PCDHA2: variants seen among roughly 807,000 people sequenced by gnomAD.
PCDHA2 encodes protocadherin alpha-2.
In PCDHA2, 58 loss-of-function variants were observed where a neutral mutation model predicts 66.0. The ratio of observed to expected loss-of-function variants is 0.88; its 90% confidence interval spans 0.71 to 1.09. The LOEUF is 1.09. Ranked by LOEUF, PCDHA2 falls within the 50% of genes least tolerant of loss-of-function variation. The pLI is 0.00. For synonymous variants in PCDHA2, 634 were observed against 554.0 expected, an observed-to-expected ratio of 1.14 and a Z score of -2.03; for missense variants, 1,267 against 1,242.3, an observed-to-expected ratio of 1.02 and a Z score of -0.30.
At chr5:140,848,525 G>A (rs1243766523) in intron 1 of PCDHA2, 1 of 1,594,042 alleles carries the variant, frequency 6.3e-7, no homozygotes, top group Non-Finnish European at 8.6e-7. Context: ...GAGATCCAGA[G>A]GGTCAGCCTC....
At chr5:140,954,275 T>C (rs1447578594) in intron 1 of PCDHA2, among the ~76,000 whole-genome samples, 1 of 152,218 alleles carries the variant, frequency 6.6e-6, no homozygotes, top group Non-Finnish European at 1.5e-5. Context: ...AATAGGATGA[T>C]TTATATTCCT....
intron 1 of PCDHA2, chr5:140,871,350 C>T (rs782168219): frequency 5.6e-6 from 9 of 1,614,194 alleles, no homozygotes; most frequent in Non-Finnish European, 7.6e-6. Flanking sequence ...GCTGGTCATA[C>T]TCGCAGCAGA....
intron 1 of PCDHA2, among the ~76,000 whole-genome samples, chr5:140,895,298 C>A (rs1208960325): frequency 6.6e-6 from 1 of 151,928 alleles, no homozygotes; most frequent in Non-Finnish European, 1.5e-5. Context: ...CCTTCGATTT[C>A]CCCCCTTCCA....
chr5:140,891,468 T>C (rs1459925727), intron 1 of PCDHA2, among the ~76,000 whole-genome samples: 1 of 151,582 alleles, frequency 6.6e-6, no homozygotes, highest in Non-Finnish European at 1.5e-5. Context: ...TGTGAATTAA[T>C]GCCTTTACAT....
rs566698414 is a variant in PCDHA2 at position 140,796,136 on chromosome 5, C to T, written c.1172C>T (p.Pro391Leu). Residue 391 changes from proline to leucine, a missense_variant, in exon 1 of 4, where the codon CCC becomes CTC. Transcript: ENST00000526136. ...TNGHVTCSLT[P>L]HVPFKLVSTF... ...GGACATGTCACCTGCTCCCTGACGC[C>T]CCACGTCCCTTTCAAGCTGGTGTCC... The T allele has an allele frequency of 6.2e-7, 1 of 1,614,220 alleles. No individual in the cohort carries two copies. Among genetic ancestry groups the T allele is most frequent in the Non-Finnish European group, 8.5e-7 (1 of 1,180,042 alleles).
chr5:140,976,267 T>C (rs115616483), intron 1 of PCDHA2, among the ~76,000 whole-genome samples: 1,952 of 152,234 alleles, frequency 0.013, 51 homozygotes, highest in African/African-American at 0.045. Flanking sequence ...ACACAGACTT[T>C]TGGCAAGGCA....
intron 3 of PCDHA2, among the ~76,000 whole-genome samples, chr5:141,007,658 A>G (rs2098338890): frequency 6.6e-6 from 1 of 152,098 alleles, no homozygotes; most frequent in Non-Finnish European, 1.5e-5. Context: ...AAAAACCATA[A>G]ATTTACAAAG....
rs782568001 is a variant in PCDHA2, at chr5:140,876,674, A to G, written c.2388+79322A>G. The G allele has an allele frequency of 5.0e-6, 8 of 1,614,142 alleles. No homozygotes were observed. The South Asian group carries it at 7.7e-5, about 16-fold the overall frequency. On this transcript the variant is annotated intron_variant, in intron 1 of 3. Transcript: ENST00000526136. ...GTTCCCTTCAAGCTGGTGTCCACCTACAAGAATTACTACTCGTTGGTGCTG... is the reference window on the plus strand; with the variant it reads ...GTTCCCTTCAAGCTGGTGTCCACCTGCAAGAATTACTACTCGTTGGTGCTG...
At chr5:140,993,023 G>C (rs2097537603) in intron 3 of PCDHA2, among the ~76,000 whole-genome samples, 1 of 152,146 alleles carries the variant, frequency 6.6e-6, no homozygotes. Flanking sequence ...AGCATCCCCT[G>C]TGGGCTCCGT....
chr5:140,842,426 A>G (rs150855027), intron 1 of PCDHA2: 1 of 1,613,494 alleles, frequency 6.2e-7, no homozygotes, highest in African/African-American at 1.3e-5. Context: ...TGGTACTGTC[A>G]TCGCCCTAAT....
chr5:141,006,404 G>A (rs1001810745), intron 3 of PCDHA2, among the ~76,000 whole-genome samples: 2 of 151,938 alleles, frequency 1.3e-5, no homozygotes, highest in East Asian at 1.9e-4. Flanking sequence ...TAGTAGAGAC[G>A]CGGTTTCACT....
intron 3 of PCDHA2, among the ~76,000 whole-genome samples, chr5:141,000,775 C>G (rs919489031): frequency 5.3e-5 from 8 of 151,752 alleles, no homozygotes; most frequent in African/African-American, 1.9e-4. Context: ...GGCATAGTGG[C>G]GCACACCTGT....
chr5:140,893,297 A>G (rs553139850), intron 1 of PCDHA2, among the ~76,000 whole-genome samples: 4 of 152,154 alleles, frequency 2.6e-5, no homozygotes, highest in South Asian at 2.1e-4. Context: ...TGGTAGTTCT[A>G]TTTGTAGTTT....
At chr5:140,884,345 C>T (rs782318945) in intron 1 of PCDHA2, 1 of 1,613,798 alleles carries the variant, frequency 6.2e-7, no homozygotes, top group Non-Finnish European at 8.5e-7. Flanking sequence ...AGAAGCGGCG[C>T]TGGTGGATGT....
chr5:140,823,018 G>C (rs1386534416), intron 1 of PCDHA2: 1 of 1,614,236 alleles, frequency 6.2e-7, no homozygotes, highest in Non-Finnish European at 8.5e-7. Context: ...CCTGGACCGC[G>C]AGAGCGTGTC....
intron 1 of PCDHA2, chr5:140,813,324 A>G (rs2126645651): frequency 6.6e-6 from 1 of 152,344 alleles, no homozygotes; most frequent in African/African-American, 2.4e-5. Flanking sequence ...ATGAGAGTGT[A>G]CTTACATATT....
At position 140,796,078 on chromosome 5, in the gene PCDHA2, A is replaced by T; in HGVS notation, c.1114A>T (p.Ile372Phe). 2 of 1,614,178 alleles carry T rather than the reference A, an allele frequency of 1.2e-6. No homozygotes were observed. Among genetic ancestry groups the T allele is most frequent in the Non-Finnish European group, 8.5e-7 (1 of 1,180,032 alleles). Residue 372 changes from isoleucine to phenylalanine, a missense_variant, in exon 1 of 4, where the codon ATC becomes TTC. Coordinates refer to ENST00000526136, the MANE Select transcript of PCDHA2 (RefSeq NM_018905.3). ...TTCCCTGGGCACTGTCATTGCTCTCATCACGGTGTCGGATCGCGACTCTGG... is the reference window on the plus strand; with the variant it reads ...TTCCCTGGGCACTGTCATTGCTCTCTTCACGGTGTCGGATCGCGACTCTGG... ...NASLGTVIALITVSDRDSGTN... is the reference protein window; with the variant it reads ...NASLGTVIALFTVSDRDSGTN...
rs782334415 is a variant in PCDHA2 at position 141,009,744 on chromosome 5, A to T, written c.2654A>T (p.Lys885Ile). 8.1e-6 allele frequency: 13 copies of T among 1,614,028 alleles called. No homozygotes were observed. Among genetic ancestry groups the T allele is most frequent in the Non-Finnish European group, 1.1e-5 (13 of 1,180,034 alleles). The change falls in exon 4 of 4, where the codon AAA becomes ATA. Residue 885 changes from lysine (K) to isoleucine (I), a missense_variant. Transcript: ENST00000526136. Reference protein sequence around the residue: ...KQSGPGELPDKFIIPGSPAII... With the variant: ...KQSGPGELPDIFIIPGSPAII... ...TCCGGTCCCGGTGAGTTGCCCGACA[A>T]ATTCATTATCCCAGGATCTCCTGCA...
At position 140,848,714 on chromosome 5, in the gene PCDHA2, C is replaced by A. The variant is rs2150418580; in HGVS notation, c.2388+51362C>A. On this transcript the variant is annotated intron_variant, in intron 1 of 3. Transcript: ENST00000526136. ...AGTTGGATTCCAAAGGCCGCGGGGA[C>A]CTTCTGGAGGTAAATCTGCAGAATG... 5.0e-6 allele frequency: 8 copies of A among 1,592,122 alleles called. 1 individual carries two copies. Among genetic ancestry groups the A allele is most frequent in the Non-Finnish European group, 6.0e-6 (7 of 1,163,208 alleles).
Sources: gnomAD v4.1 joint callset for allele counts (sites outside exome capture counted in the v4.1 genomes callset) on GRCh38, gnomAD v4.1.1 for gene constraint, MANE v1.5 for transcripts, NCBI Gene and HGNC (gene_info 2026-07-23, HGNC 2026-07-21) for gene names.